Variants in CHST9 observed in about 807,000 individuals in gnomAD.
The protein encoded by CHST9 is carbohydrate sulfotransferase 9, also known as GalNAc-4-sulfotransferase 2.
Under a neutral mutation model 44.4 loss-of-function variants are expected in CHST9, and 41 were observed. The ratio of observed to expected loss-of-function variants is 0.92; its 90% CI spans 0.72 to 1.20. The LOEUF is 1.20. Among genes scored for constraint, CHST9 ranks in the 50% most tolerant of loss-of-function variants. The pLI, the probability that CHST9 is intolerant of heterozygous loss-of-function variation, is 0.00. For missense variants in CHST9, 504 were observed against 516.5 expected, an observed-to-expected ratio of 0.98 and a Z score of 0.23; for synonymous variants, 171 against 178.4, an observed-to-expected ratio of 0.96 and a Z score of 0.33.
chr18:27,134,428 G>A (rs2058497025), intron 2 of CHST9, among the ~76,000 whole-genome samples: 1 of 152,122 alleles, frequency 6.6e-6, no homozygotes, highest in African/African-American at 2.4e-5. Flanking sequence ...AAGTGGGAGG[G>A]TTGAAATACA....
At chr18:27,119,536 T>C (rs2058356453) in intron 2 of CHST9, among the ~76,000 whole-genome samples, 1 of 152,224 alleles carries the variant, frequency 6.6e-6, no homozygotes. Flanking sequence ...TCTAGCCTGA[T>C]TACTTGCCCC....
intron 3 of CHST9, among the ~76,000 whole-genome samples, chr18:27,036,382 G>A (rs558531176): frequency 1.3e-5 from 2 of 152,294 alleles, no homozygotes; most frequent in South Asian, 2.1e-4. Context: ...ACAAACTGAT[G>A]TGGCAATCCA....
In CHST9 at chr18:27,152,283, T is replaced by C. The variant is rs1054408657; in HGVS notation, c.-96-9378A>G. Among the ~76,000 whole-genome samples, 11 of 152,296 alleles carry C rather than the reference T, an allele frequency of 7.2e-5. No homozygotes were observed. The East Asian group carries it at 1.9e-3, about 27-fold the overall frequency. On this transcript the variant is annotated intron_variant, in intron 1 of 5. Coordinates refer to ENST00000618847, the MANE Select transcript of CHST9 (RefSeq NM_031422.6). ...GACAACCCTTTGCCCTTATATTCTT[T>C]GTTTTAGAAGAAAAAGTTTTAAACT...
chr18:27,022,302 T>C (rs2057235983), intron 4 of CHST9, among the ~76,000 whole-genome samples: 2 of 152,156 alleles, frequency 1.3e-5, no homozygotes, highest in Non-Finnish European at 2.9e-5. Context: ...AATTTCTTTA[T>C]ATCCATCTTT....
chr18:26,926,291 C>T (rs66850528), intron 5 of CHST9, among the ~76,000 whole-genome samples: 9,716 of 152,184 alleles, frequency 0.064, 414 homozygotes, highest in South Asian at 0.16. Context: ...GTTTTATTTG[C>T]CAGTTCTTTC....
intron 4 of CHST9, among the ~76,000 whole-genome samples, chr18:26,958,367 G>A (rs73402805): frequency 6.7e-4 from 102 of 151,646 alleles, no homozygotes; most frequent in African/African-American, 2.3e-3. Flanking sequence ...CATAGGATTG[G>A]CACAGATAAA....
In CHST9 at chr18:26,911,988, T is replaced by C. The variant is rs1004229764; in HGVS notation, c.*4271A>G. The C allele has an allele frequency of 6.6e-6, 1 of 152,208 alleles. No homozygotes were observed. The highest frequency in any genetic ancestry group is 2.4e-5 in the African/African-American group (1 of 41,434). 9.4% of individuals were successfully genotyped at this position (152,208 alleles called of 1,614,324 possible). A position where few individuals can be genotyped will look rare whatever the true frequency, so the allele number is the denominator to read the frequency against. ...AGGAGACTCAGGAAGAAGGGGATAA[T>C]GCACAGTTGCTCTGTTTCTAGCAGG... On this transcript the variant is annotated 3_prime_UTR_variant, in exon 6 of 6. Transcript: ENST00000618847.
At chr18:26,953,282 A>C (rs193129) in intron 4 of CHST9, among the ~76,000 whole-genome samples, 1 of 152,196 alleles carries the variant, frequency 6.6e-6, no homozygotes, top group Non-Finnish European at 1.5e-5. Flanking sequence ...TCAAAAATGG[A>C]TGGAAGTTGG....
Position 26,917,324 on chromosome 18 carries a change from A to T in CHST9, c.267T>A (p.Asp89Glu). The change falls in exon 6 of 6, where the codon GAT becomes GAA. Residue 89 changes from aspartate to glutamate, a missense_variant. Coordinates refer to ENST00000618847, the MANE Select transcript of CHST9 (RefSeq NM_031422.6). ...NQNPKFHMPE[D>E]VREKKENLLL... ...GAAGATTTTCCTTTTTTTCTCGTAC[A>T]TCCTCAGGCATGTGAAACTTGGGGT... 2 of 1,610,670 alleles carry T rather than the reference A, an allele frequency of 1.2e-6. No homozygotes were observed. Among genetic ancestry groups the T allele is most frequent in the African/African-American group, 2.7e-5 (2 of 74,800 alleles).
chr18:27,046,561 C>A (rs190910328), intron 3 of CHST9, among the ~76,000 whole-genome samples: 1 of 151,124 alleles, frequency 6.6e-6, no homozygotes, highest in African/African-American at 2.5e-5. Context: ...AAATTCCAAG[C>A]AGGAAGTCAG....
At chr18:27,008,277 G>A (rs868064139) in intron 4 of CHST9, among the ~76,000 whole-genome samples, 42 of 152,292 alleles carry the variant, frequency 2.8e-4, no homozygotes, top group African/African-American at 9.9e-4. Flanking sequence ...GAAGAAGATG[G>A]GGTTGGGAGA....
intron 1 of CHST9, among the ~76,000 whole-genome samples, chr18:27,176,933 G>T (rs545876893): frequency 2.0e-5 from 3 of 152,140 alleles, no homozygotes; most frequent in East Asian, 3.9e-4. Flanking sequence ...ATATTTATAG[G>T]TTGAAGTTAC....
intron 4 of CHST9, among the ~76,000 whole-genome samples, chr18:26,997,248 A>G (rs1476639854): frequency 9.9e-5 from 15 of 152,254 alleles, no homozygotes; most frequent in Admixed American, 9.8e-4. Context: ...TAAAATAAGT[A>G]ATTCTCCAGC....
At chr18:27,004,025 A>G (rs1190455289) in intron 4 of CHST9, among the ~76,000 whole-genome samples, 1 of 151,850 alleles carries the variant, frequency 6.6e-6, no homozygotes, top group African/African-American at 2.4e-5. Context: ...TTATGGAAAT[A>G]GGAATATGAG....
intron 1 of CHST9, among the ~76,000 whole-genome samples, chr18:27,155,823 A>G (rs2058694712): frequency 6.6e-6 from 1 of 152,154 alleles, no homozygotes; most frequent in Non-Finnish European, 1.5e-5. Context: ...AAGCATGATT[A>G]AATGGACAAA....
intron 2 of CHST9, among the ~76,000 whole-genome samples, chr18:27,066,411 T>C (rs1255948211): frequency 6.6e-6 from 1 of 152,200 alleles, no homozygotes; most frequent in Admixed American, 6.6e-5. Context: ...AAATATAAAT[T>C]CACAACTCTT....
intron 4 of CHST9, among the ~76,000 whole-genome samples, chr18:26,955,765 C>T (rs1248491980): frequency 6.6e-6 from 1 of 152,018 alleles, no homozygotes; most frequent in Non-Finnish European, 1.5e-5. Flanking sequence ...ACTTGGGTAC[C>T]AGGTCATGTA....
chr18:27,088,892 G>A (rs1057112158), intron 2 of CHST9, among the ~76,000 whole-genome samples: 1 of 152,130 alleles, frequency 6.6e-6, no homozygotes, highest in African/African-American at 2.4e-5. Context: ...GAATGCCCAG[G>A]TCAATGAACT....
intron 2 of CHST9, among the ~76,000 whole-genome samples, chr18:27,105,718 T>C (rs1461491138): frequency 1.3e-5 from 2 of 152,232 alleles, no homozygotes; most frequent in African/African-American, 4.8e-5. Context: ...ATCTGATGCA[T>C]GTGTGATTGT....
Sources: gnomAD v4.1 joint callset for allele counts (sites outside exome capture counted in the v4.1 genomes callset) on GRCh38, gnomAD v4.1.1 for gene constraint, MANE v1.5 for transcripts, NCBI Gene and HGNC (gene_info 2026-07-23, HGNC 2026-07-21) for gene names.